PIK3C2G: variants seen among roughly 807,000 people sequenced by gnomAD.
PIK3C2G encodes the protein phosphatidylinositol-4-phosphate 3-kinase catalytic subunit type 2 gamma.
A neutral mutation model predicts 181.1 loss-of-function variants in PIK3C2G; 168 were observed. The observed-to-expected ratio is 0.93, with a 90% CI of 0.82 to 1.05. The LOEUF (loss-of-function observed/expected upper bound fraction) is 1.05, where lower values mean the gene tolerates loss of function less well. Among genes scored for constraint, PIK3C2G ranks in the 50% least tolerant of loss-of-function variants. PIK3C2G has a pLI of 0.00. For synonymous variants in PIK3C2G, 573 were observed against 592.2 expected (o/e 0.97, Z 0.47); for missense variants, 1,869 against 1,732.8 (o/e 1.08, Z -1.40).
chr12:18,312,214 C>T (rs1486613821), intron 5 of PIK3C2G, among the ~76,000 whole-genome samples: 1 of 152,146 alleles, frequency 6.6e-6, no homozygotes, highest in African/African-American at 2.4e-5. Flanking sequence ...ATCAAGTTGA[C>T]ACTCAATATT....
Position 18,391,116 on chromosome 12 carries a change from T to C in PIK3C2G, c.1996-6T>C. On this transcript the variant is annotated splice_polypyrimidine_tract_variant and splice_region_variant and intron_variant, in intron 14 of 32. Transcript: ENST00000538779. ...AACACATGGCAAATCATTTTTTTTC[T>C]TTCAGATTGATTTTCCAGCTACTGG... 1 of 1,593,040 alleles carries C rather than the reference T, an allele frequency of 6.3e-7. No individual in the cohort carries two copies. Among genetic ancestry groups the C allele is most frequent in the Non-Finnish European group, 8.5e-7 (1 of 1,171,116 alleles).
At chr12:18,657,197 C>T in the PIK3C2G span, among the ~76,000 whole-genome samples, 3 of 152,002 alleles carry the variant, frequency 2.0e-5, no homozygotes, top group Non-Finnish European at 4.4e-5. Context: ...CTGCTGGGGA[C>T]AAGGAATAAT....
chr12:18,629,439 C>A (rs1453359364), intron 31 of PIK3C2G, among the ~76,000 whole-genome samples: 5 of 152,118 alleles, frequency 3.3e-5, no homozygotes, highest in African/African-American at 7.2e-5. Context: ...GGTGATGAGG[C>A]ATATCACAGA....
chr12:18,691,408 C>A, the PIK3C2G span, among the ~76,000 whole-genome samples: 2 of 152,040 alleles, frequency 1.3e-5, no homozygotes, highest in Non-Finnish European at 2.9e-5. Context: ...CAATTAAAGA[C>A]TTGAGCATTG....
At chr12:18,274,371 C>T (rs1200221638) in intron 1 of PIK3C2G, among the ~76,000 whole-genome samples, 1 of 152,160 alleles carries the variant, frequency 6.6e-6, no homozygotes, top group Non-Finnish European at 1.5e-5. Flanking sequence ...TATTGCGGCA[C>T]TATTCCCAAT....
At chr12:18,327,879 G>A (rs1951418098) in intron 8 of PIK3C2G, among the ~76,000 whole-genome samples, 1 of 152,054 alleles carries the variant, frequency 6.6e-6, no homozygotes, top group Non-Finnish European at 1.5e-5. Context: ...TAGTTGGAGA[G>A]ACAGCATATC....
intron 24 of PIK3C2G, among the ~76,000 whole-genome samples, chr12:18,506,244 T>A (rs1435504572): frequency 1.3e-5 from 2 of 151,178 alleles, no homozygotes; most frequent in African/African-American, 4.9e-5. Flanking sequence ...AGACCTGGAG[T>A]CTGGAGATGG....
At chr12:18,260,604 T>C (rs1423719914), upstream of PIK3C2G, among the ~76,000 whole-genome samples, 2 of 152,050 alleles carry the variant, frequency 1.3e-5, no homozygotes, top group Non-Finnish European at 2.9e-5. Flanking sequence ...GATATAATTC[T>C]CAACTTTCTC....
At chr12:18,444,499 A>T (rs1316878833) in intron 18 of PIK3C2G, among the ~76,000 whole-genome samples, 1 of 152,116 alleles carries the variant, frequency 6.6e-6, no homozygotes, top group Non-Finnish European at 1.5e-5. Context: ...GGTGGTTTTG[A>T]CCTTTCCTTG....
chr12:18,264,558 T>C (rs11043985), intron 1 of PIK3C2G, among the ~76,000 whole-genome samples: 115,110 of 151,888 alleles, frequency 0.76, 44,070 homozygotes, highest in East Asian at 0.93. Flanking sequence ...CACCTCCCGC[T>C]GAGATCACGT....
At chr12:18,416,664 A>G (rs991914015) in intron 16 of PIK3C2G, among the ~76,000 whole-genome samples, 6 of 152,218 alleles carry the variant, frequency 3.9e-5, no homozygotes, top group African/African-American at 1.4e-4. Flanking sequence ...GGATGACAGC[A>G]CATCTGTTTA....
intron 29 of PIK3C2G, among the ~76,000 whole-genome samples, chr12:18,588,072 C>T (rs1241814425): frequency 6.6e-6 from 1 of 152,046 alleles, no homozygotes; most frequent in Non-Finnish European, 1.5e-5. Flanking sequence ...AAACTGGACC[C>T]CTTCTTTATG....
intron 16 of PIK3C2G, among the ~76,000 whole-genome samples, chr12:18,408,387 A>C (rs1313668276): frequency 6.6e-6 from 1 of 152,070 alleles, no homozygotes; most frequent in Admixed American, 6.5e-5. Context: ...GTCTGGCATT[A>C]TTTCTGAGGC....
chr12:18,599,162 G>A (rs1343747834), intron 30 of PIK3C2G, among the ~76,000 whole-genome samples: 1 of 152,128 alleles, frequency 6.6e-6, no homozygotes, highest in Non-Finnish European at 1.5e-5. Flanking sequence ...ATACCCAAAG[G>A]ACTATAAATC....
At chr12:18,267,129 T>C (rs995415045) in intron 1 of PIK3C2G, among the ~76,000 whole-genome samples, 1 of 152,084 alleles carries the variant, frequency 6.6e-6, no homozygotes, top group African/African-American at 2.4e-5. Context: ...GTTCCTCTTA[T>C]TCTGTATTCA....
At chr12:18,535,421 A>G (rs1943796746) in intron 24 of PIK3C2G, among the ~76,000 whole-genome samples, 1 of 151,982 alleles carries the variant, frequency 6.6e-6, no homozygotes, top group South Asian at 2.1e-4. Context: ...TAATTTGTAT[A>G]TGTTTCTTTT....
At chr12:18,709,121 T>A in the PIK3C2G span, among the ~76,000 whole-genome samples, 5 of 152,176 alleles carry the variant, frequency 3.3e-5, no homozygotes, top group Non-Finnish European at 5.9e-5. Flanking sequence ...TCTCCTATGT[T>A]CCCTTTTAGG....
At position 18,570,599 on chromosome 12, in the gene PIK3C2G, T is replaced by C. The variant is rs985171906; in HGVS notation, c.4011+3542T>C. 2.0e-5 allele frequency among the ~76,000 whole-genome samples: 3 copies of C among 150,310 alleles called. 1 individual carries two copies. Among genetic ancestry groups the C allele is most frequent in the African/African-American group, 7.5e-5 (3 of 40,028 alleles). On this transcript the variant is annotated intron_variant, in intron 29 of 32. Transcript: ENST00000538779. ...AGGGACCTGTGGACCAAAGCCTTTATTGCAGTATAGGGCATTATCCAAGCA... is the reference window on the plus strand; with the variant it reads ...AGGGACCTGTGGACCAAAGCCTTTACTGCAGTATAGGGCATTATCCAAGCA...
chr12:18,668,108 T>C, the PIK3C2G span, among the ~76,000 whole-genome samples: 1,190 of 152,312 alleles, frequency 7.8e-3, 13 homozygotes, highest in African/African-American at 0.027. Context: ...GTCTTTTTCT[T>C]AGCCCCAACT....
Sources: gnomAD v4.1 joint callset for allele counts (sites outside exome capture counted in the v4.1 genomes callset) on GRCh38, gnomAD v4.1.1 for gene constraint, MANE v1.5 for transcripts, NCBI Gene and HGNC (gene_info 2026-07-23, HGNC 2026-07-21) for gene names.